The following ARL15 variants were observed in gnomAD, a reference collection of about 807,000 sequenced individuals.
The protein encoded by ARL15 is ARF like GTPase 15.
A neutral mutation model predicts 25.2 loss-of-function variants in ARL15; 19 were observed. The ratio of observed to expected loss-of-function variants is 0.75; its 90% confidence interval spans 0.53 to 1.10. The LOEUF (loss-of-function observed/expected upper bound fraction) is 1.10. Among genes scored for constraint, ARL15 ranks in the 50% least tolerant of loss-of-function variants. The pLI, the probability that ARL15 is intolerant of heterozygous loss-of-function variation, is 0.00. For synonymous variants in ARL15, 94 were observed against 86.8 expected (o/e 1.08, Z -0.46); for missense variants, 220 against 246.0 (o/e 0.89, Z 0.71).
At chr5:54,006,428 ATT>A (rs397729053) in intron 4 of ARL15, among the ~76,000 whole-genome samples, 1 of 148,438 alleles carries the variant, frequency 6.7e-6, no homozygotes. Context: ...AACAAAAAAG[ATT>A]TTTTTTTTTT....
intron 4 of ARL15, among the ~76,000 whole-genome samples, chr5:54,107,614 CTG>C (rs1005560825): frequency 1.3e-5 from 2 of 151,788 alleles, no homozygotes; most frequent in Non-Finnish European, 2.9e-5. Flanking sequence ...GAGAATGAGA[CTG>C]TGAAAAGTCT....
chr5:54,098,831 T>C (rs1473140515), intron 4 of ARL15, among the ~76,000 whole-genome samples: 1 of 152,118 alleles, frequency 6.6e-6, no homozygotes, highest in East Asian at 1.9e-4. Context: ...TTCTAGGAAA[T>C]CCAGTTTTAA....
chr5:54,279,833 G>A (rs1278995525), intron 1 of ARL15, among the ~76,000 whole-genome samples: 1 of 152,166 alleles, frequency 6.6e-6, no homozygotes, highest in Non-Finnish European at 1.5e-5. Flanking sequence ...GTTCTAGATG[G>A]AAATACCTTA....
chr5:53,903,352 T>G (rs1363173117), intron 4 of ARL15, among the ~76,000 whole-genome samples: 6 of 152,192 alleles, frequency 3.9e-5, no homozygotes, highest in African/African-American at 1.4e-4. Context: ...CCACGGGACA[T>G]TTGATAATGT....
At chr5:53,976,492 T>C (rs1231371148) in intron 4 of ARL15, among the ~76,000 whole-genome samples, 1 of 152,144 alleles carries the variant, frequency 6.6e-6, no homozygotes, top group Non-Finnish European at 1.5e-5. Flanking sequence ...GGGAGCCACT[T>C]AACTTTAAGC....
intron 3 of ARL15, among the ~76,000 whole-genome samples, chr5:54,117,828 A>G (rs1301059941): frequency 6.6e-6 from 1 of 152,236 alleles, no homozygotes; most frequent in Non-Finnish European, 1.5e-5. Context: ...AACAAATGAT[A>G]GTATTTGTTG....
chr5:54,270,283 T>A (rs1373395654), intron 1 of ARL15, among the ~76,000 whole-genome samples: 1 of 150,506 alleles, frequency 6.6e-6, no homozygotes, highest in Non-Finnish European at 1.5e-5. Flanking sequence ...AGTTTTTCCT[T>A]TGGCTTGTGC....
intron 4 of ARL15, among the ~76,000 whole-genome samples, chr5:54,064,835 T>TA (rs1336662814): frequency 1.3e-5 from 2 of 152,204 alleles, no homozygotes; most frequent in East Asian, 1.9e-4. Context: ...TATATGCAGA[T>TA]AAAAAAATAC....
chr5:54,290,901 C>A (rs144700837), intron 1 of ARL15, among the ~76,000 whole-genome samples: 1 of 152,082 alleles, frequency 6.6e-6, no homozygotes, highest in Non-Finnish European at 1.5e-5. Flanking sequence ...TAAGCCACTT[C>A]TTTGGGCATG....
At chr5:54,267,244 A>G (rs1012327034) in intron 1 of ARL15, among the ~76,000 whole-genome samples, 3 of 152,166 alleles carry the variant, frequency 2.0e-5, no homozygotes, top group Admixed American at 2.0e-4. Context: ...GGCATGTGCC[A>G]CCACACCCAG....
chr5:53,907,095 C>T (rs1384467823), intron 4 of ARL15, among the ~76,000 whole-genome samples: 1 of 152,010 alleles, frequency 6.6e-6, no homozygotes, highest in African/African-American at 2.4e-5. Flanking sequence ...GGATGGCCAT[C>T]CTTGAATGGT....
intron 3 of ARL15, among the ~76,000 whole-genome samples, chr5:54,122,616 A>C (rs1282712149): frequency 2.6e-5 from 4 of 152,234 alleles, no homozygotes; most frequent in African/African-American, 9.6e-5. Flanking sequence ...GCATGGTTGC[A>C]CAAATAAGAG....
intron 4 of ARL15, among the ~76,000 whole-genome samples, chr5:54,087,493 A>T (rs527262900): frequency 6.6e-6 from 1 of 152,316 alleles, no homozygotes; most frequent in East Asian, 1.9e-4. Flanking sequence ...TCATGGTTAG[A>T]TTCTTTGAAT....
chr5:54,200,262 T>C (rs935636212), intron 1 of ARL15, among the ~76,000 whole-genome samples: 12 of 149,604 alleles, frequency 8.0e-5, no homozygotes, highest in Non-Finnish European at 1.2e-4. Context: ...ACCTGCACGT[T>C]GTGCACATGT....
intron 4 of ARL15, among the ~76,000 whole-genome samples, chr5:54,020,954 C>CA (rs574119567): frequency 1.3e-5 from 2 of 150,066 alleles, no homozygotes; most frequent in African/African-American, 4.9e-5. Flanking sequence ...AACTCCGTCT[C>CA]AAAAAAAAGA....
chr5:53,936,422 A>G (rs144226073), intron 4 of ARL15, among the ~76,000 whole-genome samples: 17 of 152,354 alleles, frequency 1.1e-4, no homozygotes, highest in Non-Finnish European at 2.5e-4. Context: ...GTCTGAGTCT[A>G]AAACCTATGT....
intron 4 of ARL15, among the ~76,000 whole-genome samples, chr5:54,110,719 T>C (rs1177338704): frequency 1.3e-5 from 2 of 152,046 alleles, no homozygotes; most frequent in Admixed American, 6.6e-5. Context: ...ACGACCGTTA[T>C]CTAAATACAT....
intron 4 of ARL15, among the ~76,000 whole-genome samples, chr5:53,920,576 G>C (rs758860406): frequency 6.6e-6 from 1 of 151,822 alleles, no homozygotes; most frequent in African/African-American, 2.4e-5. Flanking sequence ...GATGGCTGTG[G>C]AGGGAGGATC....
intron 4 of ARL15, among the ~76,000 whole-genome samples, chr5:53,901,965 A>T (rs1745081479): frequency 6.6e-6 from 1 of 152,238 alleles, no homozygotes; most frequent in South Asian, 2.1e-4. Context: ...TCTGCAAAAT[A>T]GCATGAGAGG....
Sources: allele counts gnomAD v4.1 joint callset (sites outside exome capture counted in the v4.1 genomes callset), GRCh38; gene constraint gnomAD v4.1.1; transcripts MANE v1.5; gene names NCBI Gene and HGNC (gene_info 2026-07-23, HGNC 2026-07-21).